The following PIP4K2A variants were observed in gnomAD, a reference collection of about 807,000 sequenced individuals.
PIP4K2A encodes the protein phosphatidylinositol-5-phosphate 4-kinase type 2 alpha, also known as phosphatidylinositol 5-phosphate 4-kinase type-2 alpha.
Under a neutral mutation model 42.9 loss-of-function variants are expected in PIP4K2A, and 14 were observed. That is an observed-to-expected ratio of 0.33 (90% confidence interval 0.22 to 0.51). The LOEUF is 0.51. PIP4K2A is among the 20% of genes least tolerant of loss of function. The pLI, the probability that PIP4K2A is intolerant of heterozygous loss-of-function variation, is 0.97. For missense variants in PIP4K2A, 434 were observed against 519.8 expected, an observed-to-expected ratio of 0.83 and a Z score of 1.61; for synonymous variants, 192 against 192.2, an observed-to-expected ratio of 1.00 and a Z score of 0.01.
intron 1 of PIP4K2A, among the ~76,000 whole-genome samples, chr10:22,645,914 G>A (rs183858405): frequency 3.3e-5 from 5 of 152,006 alleles, no homozygotes; most frequent in Non-Finnish European, 7.4e-5. Flanking sequence ...TAGAGACGGG[G>A]TCTCCCTATG....
In PIP4K2A at chr10:22,566,403, G is replaced by T. The variant is rs190636570; in HGVS notation, c.678+1448C>A. 9.2e-5 allele frequency among the ~76,000 whole-genome samples: 14 copies of T among 152,226 alleles called. No homozygotes were observed. The East Asian group carries it at 2.7e-3, about 29-fold the overall frequency. On this transcript the variant is annotated intron_variant, in intron 6 of 9. Coordinates refer to ENST00000376573, the MANE Select transcript of PIP4K2A (RefSeq NM_005028.5). ...GCTCTTGTTTGCTATTTCAGGGAGTGGAATGAACACCTACCTACCCAACTG... is the reference window on the plus strand; with the variant it reads ...GCTCTTGTTTGCTATTTCAGGGAGTTGAATGAACACCTACCTACCCAACTG...
intron 1 of PIP4K2A, among the ~76,000 whole-genome samples, chr10:22,693,736 A>G (rs1402372993): frequency 1.3e-5 from 2 of 152,094 alleles, no homozygotes; most frequent in African/African-American, 4.8e-5. Flanking sequence ...GGGAGACATA[A>G]TTCTGGTCCT....
Position 22,542,064 on chromosome 10 carries a change from C to A in PIP4K2A, c.793-17G>T, listed in dbSNP as rs1467347713. 1 of 1,589,456 alleles carries A rather than the reference C, an allele frequency of 6.3e-7. No individual in the cohort carries two copies. Among genetic ancestry groups the A allele is most frequent in the Non-Finnish European group, 8.6e-7 (1 of 1,167,526 alleles). On this transcript the variant is annotated splice_polypyrimidine_tract_variant and intron_variant, in intron 7 of 9. Coordinates refer to ENST00000376573, the MANE Select transcript of PIP4K2A (RefSeq NM_005028.5). ...GGCCAGAAACTGGGGACAGAGGCAA[C>A]AGGGTGAGTCAGCCACACCTTAAAC...
intron 1 of PIP4K2A, among the ~76,000 whole-genome samples, chr10:22,692,048 A>C (rs1224654341): frequency 1.3e-5 from 2 of 151,986 alleles, no homozygotes; most frequent in African/African-American, 4.8e-5. Context: ...TGTGCACTTA[A>C]TTTCTATTAT....
At chr10:22,635,691 G>T (rs1197864826) in intron 1 of PIP4K2A, among the ~76,000 whole-genome samples, 2 of 152,226 alleles carry the variant, frequency 1.3e-5, no homozygotes, top group Non-Finnish European at 2.9e-5. Context: ...AGCATGGAAA[G>T]TTATGAGCCG....
intron 3 of PIP4K2A, among the ~76,000 whole-genome samples, chr10:22,606,169 G>C (rs908096606): frequency 1.3e-5 from 2 of 148,764 alleles, no homozygotes; most frequent in African/African-American, 2.5e-5. Context: ...AAATTAGCTG[G>C]GCATGGTGGT....
intron 3 of PIP4K2A, among the ~76,000 whole-genome samples, chr10:22,591,994 T>C (rs1421194426): frequency 6.6e-6 from 1 of 152,280 alleles, no homozygotes; most frequent in Non-Finnish European, 1.5e-5. Context: ...TGAATTGTAC[T>C]ATGATTCTAA....
intron 1 of PIP4K2A, among the ~76,000 whole-genome samples, chr10:22,613,101 G>A (rs567022114): frequency 2.7e-4 from 41 of 152,260 alleles, no homozygotes; most frequent in African/African-American, 8.7e-4. Flanking sequence ...AAGGGAAAAG[G>A]GGGTTCAAAC....
chr10:22,651,262 T>C (rs1838990201), intron 1 of PIP4K2A, among the ~76,000 whole-genome samples: 1 of 152,132 alleles, frequency 6.6e-6, no homozygotes, highest in South Asian at 2.1e-4. Flanking sequence ...CCTCCAAGCC[T>C]TTCTCCCAAT....
rs903015935 is a variant in PIP4K2A at position 22,605,105 on chromosome 10, G to A, written c.339+2822C>T. Among the ~76,000 whole-genome samples, 3 of 152,352 alleles carry A rather than the reference G, an allele frequency of 2.0e-5. No homozygotes were observed. In the East Asian group the frequency reaches 5.8e-4, roughly 29 times the overall value. ...CTACTGAAGAATTTTAAGAGGTACA[G>A]ACACTGGGAAAGAAATATACGACTG... On this transcript the variant is annotated intron_variant, in intron 3 of 9. Coordinates refer to ENST00000376573, the MANE Select transcript of PIP4K2A (RefSeq NM_005028.5).
intron 3 of PIP4K2A, among the ~76,000 whole-genome samples, chr10:22,599,489 C>G (rs973632953): frequency 4.6e-5 from 7 of 152,210 alleles, no homozygotes; most frequent in Non-Finnish European, 1.0e-4. Flanking sequence ...ATGAGGCTGT[C>G]TCTGGATGAG....
At chr10:22,607,765 G>A (rs758452577) in intron 3 of PIP4K2A, 162 bp downstream of exon 3, 19 of 528,048 alleles carry the variant, frequency 3.6e-5, no homozygotes, top group Non-Finnish European at 6.2e-5. Flanking sequence ...CCAATCAAGA[G>A]AACACTTTAC....
At chr10:22,638,948 G>A (rs1033585549) in intron 1 of PIP4K2A, among the ~76,000 whole-genome samples, 3 of 152,178 alleles carry the variant, frequency 2.0e-5, no homozygotes, top group African/African-American at 7.2e-5. Context: ...GCACCACCCT[G>A]AGCATGTGGT....
At chr10:22,678,905 T>C (rs572569975) in intron 1 of PIP4K2A, among the ~76,000 whole-genome samples, 1 of 152,348 alleles carries the variant, frequency 6.6e-6, no homozygotes, top group South Asian at 2.1e-4. Context: ...AAGAATGTGT[T>C]CCCTATGTAT....
At chr10:22,627,393 T>C (rs1010281005) in intron 1 of PIP4K2A, among the ~76,000 whole-genome samples, 15 of 151,928 alleles carry the variant, frequency 9.9e-5, no homozygotes, top group African/African-American at 2.4e-4. Flanking sequence ...AGGAACAGCA[T>C]AGATTGCCCT....
In PIP4K2A at chr10:22,714,415, CCCCCGGCGGCGG is replaced by C. The variant is rs1833972006; in HGVS notation, c.-101_-90del. 2 of 947,084 alleles carry C rather than the reference CCCCCGGCGGCGG, an allele frequency of 2.1e-6. No individual in the cohort carries two copies. The highest frequency in any genetic ancestry group is 2.6e-6 in the Non-Finnish European group (2 of 768,176). The allele number at this position is 947,084 out of a possible 1,614,324, so 58.7% of individuals were successfully genotyped here. A position where few individuals can be genotyped will look rare whatever the true frequency, so the allele number is the denominator to read the frequency against. ...CCCGGCCCGGGGAGGCAGCCGCATC[CCCCCGGCGGCGG>C]CCCCGGCGCGCCGCGCTCCGCTCCG... is the stretch of plus-strand genomic sequence containing the variant. On this transcript the variant is annotated 5_prime_UTR_variant, in exon 1 of 10. Coordinates refer to ENST00000376573, the MANE Select transcript of PIP4K2A (RefSeq NM_005028.5).
chr10:22,669,795 A>G (rs1245113799), intron 1 of PIP4K2A, among the ~76,000 whole-genome samples: 1 of 152,208 alleles, frequency 6.6e-6, no homozygotes, highest in Non-Finnish European at 1.5e-5. Flanking sequence ...CTAGCAAAAA[A>G]TATGAATGTC....
rs542970311 is a variant in PIP4K2A, at chr10:22,686,854, C to T, written c.144+27329G>A. On this transcript the variant is annotated intron_variant, in intron 1 of 9. Coordinates refer to ENST00000376573, the MANE Select transcript of PIP4K2A (RefSeq NM_005028.5). ...CAACATTTTAAATTTCTCACGCTGA[C>T]GCAGCTAAATTAGACCATTTGAATT... is the stretch of plus-strand genomic sequence containing the variant. Among the ~76,000 whole-genome samples, 11 of 152,182 alleles carry T rather than the reference C, an allele frequency of 7.2e-5. No homozygotes were observed. The South Asian group carries it at 1.2e-3, about 17-fold the overall frequency.
At chr10:22,541,531 T>C (rs918554047) in intron 8 of PIP4K2A, among the ~76,000 whole-genome samples, 1 of 152,240 alleles carries the variant, frequency 6.6e-6, no homozygotes, top group African/African-American at 2.4e-5. Context: ...TATGTGCATA[T>C]GTACAGGTGT....
Sources: allele counts gnomAD v4.1 joint callset (sites outside exome capture counted in the v4.1 genomes callset), GRCh38; gene constraint gnomAD v4.1.1; transcripts MANE v1.5; gene names NCBI Gene and HGNC (gene_info 2026-07-23, HGNC 2026-07-21).